The following VPS13D variants were observed in gnomAD, a reference collection of about 807,000 sequenced individuals.
VPS13D encodes vacuolar protein sorting 13 homolog D, also known as intermembrane lipid transfer protein VPS13D.
Under a neutral mutation model 461.9 loss-of-function variants are expected in VPS13D, and 187 were observed. That is an observed-to-expected ratio of 0.40 (90% CI 0.36 to 0.46). The LOEUF (loss-of-function observed/expected upper bound fraction) is 0.46, where lower values mean the gene tolerates loss of function less well. Ranked by LOEUF, VPS13D falls within the 20% of genes least tolerant of loss-of-function variation. VPS13D has a pLI of 0.60. For missense variants in VPS13D, 4,711 were observed against 5,364.9 expected (o/e 0.88, Z 3.81); for synonymous variants, 1,951 against 1,986.3 (o/e 0.98, Z 0.47).
intron 55 of VPS13D, among the ~76,000 whole-genome samples, chr1:12,375,363 A>G (rs1168670420): frequency 6.6e-6 from 1 of 152,176 alleles, no homozygotes; most frequent in Non-Finnish European, 1.5e-5. Flanking sequence ...ACAAATATAC[A>G]TATGTGTGTT....
At chr1:12,421,916 G>A (rs909338884) in intron 65 of VPS13D, among the ~76,000 whole-genome samples, 1 of 152,084 alleles carries the variant, frequency 6.6e-6, no homozygotes, top group Non-Finnish European at 1.5e-5. Flanking sequence ...TGCCCTCCTG[G>A]GTTCAAGCGA....
chr1:12,356,325 A>G, intron 48 of VPS13D, 73 bp from the exon 49 acceptor site: 3 of 1,523,006 alleles, frequency 2.0e-6, no homozygotes, highest in Non-Finnish European at 2.7e-6. Flanking sequence ...TGATGGTTTT[A>G]TTCATTCACC....
intron 65 of VPS13D, among the ~76,000 whole-genome samples, chr1:12,450,958 A>C (rs905725810): frequency 5.3e-5 from 8 of 152,244 alleles, no homozygotes; most frequent in Non-Finnish European, 1.5e-5. Flanking sequence ...AAGATATTAA[A>C]GAGGAAATTT....
rs1643777973 is a variant in VPS13D at position 12,350,935 on chromosome 1, G to C, written c.9431+1561G>C. 3.3e-5 allele frequency among the ~76,000 whole-genome samples: 5 copies of C among 152,160 alleles called. No homozygotes were observed. In the South Asian group the frequency reaches 1.0e-3, roughly 31 times the overall value. ...AACAATTTTATGCCAGTACATTCCA[G>C]ATGTAAATGACACCTTTCTTGAAAA... On this transcript the variant is annotated intron_variant, in intron 46 of 69. Coordinates refer to ENST00000620676, the MANE Select transcript of VPS13D (RefSeq NM_015378.4).
At chr1:12,475,494 A>G (rs548788096) in intron 67 of VPS13D, among the ~76,000 whole-genome samples, 18 of 152,326 alleles carry the variant, frequency 1.2e-4, no homozygotes, top group African/African-American at 4.1e-4. Flanking sequence ...CAGCCCGATA[A>G]TGGATTCTAA....
At chr1:12,418,121 T>C (rs1461486380) in intron 65 of VPS13D, among the ~76,000 whole-genome samples, 2 of 152,168 alleles carry the variant, frequency 1.3e-5, no homozygotes, top group Non-Finnish European at 2.9e-5. Context: ...TTGGCCAGGC[T>C]GGTCTCGAAC....
intron 60 of VPS13D, among the ~76,000 whole-genome samples, chr1:12,397,954 G>A (rs2101676770): frequency 6.6e-6 from 1 of 152,302 alleles, no homozygotes; most frequent in Middle Eastern, 3.4e-3. Flanking sequence ...AAAGAGTGGT[G>A]TGTGATGAAG....
intron 58 of VPS13D, among the ~76,000 whole-genome samples, chr1:12,384,632 A>G (rs910992210): frequency 1.3e-5 from 2 of 152,054 alleles, no homozygotes; most frequent in African/African-American, 2.4e-5. Context: ...TTATTTATTT[A>G]TTTATTTAGC....
At chr1:12,257,244 A>G (rs191273301) in intron 9 of VPS13D, among the ~76,000 whole-genome samples, 157 bp downstream of exon 9, 369 of 152,320 alleles carry the variant, frequency 2.4e-3, no homozygotes, top group Non-Finnish European at 4.1e-3. Flanking sequence ...ATTGTTTATC[A>G]TCATTGATAT....
intron 22 of VPS13D, 152 bp from the exon 23 acceptor site, chr1:12,290,846 G>T: frequency 1.8e-6 from 1 of 566,356 alleles, no homozygotes; most frequent in African/African-American, 2.0e-5. Flanking sequence ...AATATTTTTT[G>T]GGGTATATTG....
At position 12,256,454 on chromosome 1, in the gene VPS13D, G is replaced by A. The variant is rs865994843; in HGVS notation, c.791G>A (p.Arg264His). The A allele has an allele frequency of 8.7e-6, 14 of 1,614,002 alleles. No individual in the cohort carries two copies. The highest frequency in any genetic ancestry group is 1.3e-5 in the African/African-American group (1 of 74,902). ...CCCCTGCGGTCTCGGCACAGTCCCC[G>A]TATTGATTGTGATATTCAGCTGGAG... The part of the protein sequence containing the change: ...KKPLRSRHSP[R>H]IDCDIQLETI... Residue 264 changes from arginine to histidine, a missense_variant, in exon 8 of 70, where the codon CGT (arginine) becomes CAT (histidine). By Grantham distance (29) the Arg-to-His change is conservative. Transcript: ENST00000620676.
chr1:12,501,192 C>CAG (rs1308612735), intron 68 of VPS13D, among the ~76,000 whole-genome samples: 1 of 152,026 alleles, frequency 6.6e-6, no homozygotes, highest in African/African-American at 2.4e-5. Flanking sequence ...AGAAATTTCA[C>CAG]AGAGAGAGAG....
At chr1:12,469,850 G>C (rs1645540328) in intron 67 of VPS13D, among the ~76,000 whole-genome samples, 1 of 152,148 alleles carries the variant, frequency 6.6e-6, no homozygotes, top group African/African-American at 2.4e-5. Flanking sequence ...GTGTAGAGCA[G>C]ATTACTTCAA....
rs116397827 is a variant in VPS13D at position 12,371,767 on chromosome 1, A to G, written c.10809-1983A>G. 5.6e-3 allele frequency among the ~76,000 whole-genome samples: 850 copies of G among 152,050 alleles called. 7 individuals are homozygous for G. The highest frequency in any genetic ancestry group is 0.019 in the African/African-American group (774 of 41,458). ...CTGTATACTACATTTTTGTTTATCC[A>G]GTTATTTGTTGATGGACATTTGGTT... On this transcript the variant is annotated intron_variant, in intron 54 of 69. Transcript: ENST00000620676.
intron 67 of VPS13D, among the ~76,000 whole-genome samples, chr1:12,481,022 A>G (rs1252772335): frequency 6.6e-6 from 1 of 152,198 alleles, no homozygotes; most frequent in African/African-American, 2.4e-5. Context: ...AGACACAGGC[A>G]CCTGCCCTCT....
In VPS13D at chr1:12,278,159, T is replaced by G. The variant is rs1185545471; in HGVS notation, c.4450+121T>G. The G allele has an allele frequency of 3.7e-6, 4 of 1,092,740 alleles. No individual in the cohort carries two copies. In the African/African-American group the frequency reaches 6.4e-5, roughly 17 times the overall value. 67.7% of individuals were successfully genotyped at this position (1,092,740 alleles called of 1,614,324 possible). On this transcript the variant is annotated intron_variant, in intron 19 of 69. Coordinates refer to ENST00000620676, the MANE Select transcript of VPS13D (RefSeq NM_015378.4). ...CTTTTAGAATAATCCTCAGTTAATA[T>G]TTAAGAAATCAAAGAGTTTTAATAG...
intron 21 of VPS13D, 131 bp from the exon 22 acceptor site, chr1:12,288,092 G>T: frequency 1.4e-6 from 1 of 700,216 alleles, no homozygotes; most frequent in Non-Finnish European, 2.5e-6. Context: ...AAGTGAAATT[G>T]GCATTGTTAA....
At chr1:12,475,305 A>G (rs981357032) in intron 67 of VPS13D, among the ~76,000 whole-genome samples, 1 of 152,102 alleles carries the variant, frequency 6.6e-6, no homozygotes, top group African/African-American at 2.4e-5. Context: ...ATTCTCCCCC[A>G]TACAAAGGGG....
chr1:12,253,791 A>G lies in VPS13D; in HGVS notation c.634A>G (p.Thr212Ala). 1 of 1,614,112 alleles carries G rather than the reference A, an allele frequency of 6.2e-7. No individual in the cohort carries two copies. Among genetic ancestry groups the G allele is most frequent in the Non-Finnish European group, 8.5e-7 (1 of 1,179,980 alleles). The change falls in exon 7 of 70, where the codon ACT becomes GCT. Residue 212 changes from threonine to alanine, a missense_variant. Coordinates refer to ENST00000620676, the MANE Select transcript of VPS13D (RefSeq NM_015378.4). ...EFSIYWDVDC[T>A]LLGDLPQMEL... Reference sequence around the variant, plus strand: ...TAGCATCTATTGGGATGTCGATTGCACTTTACTGGGGGATTTGCCTCAGAT... The same window carrying G: ...TAGCATCTATTGGGATGTCGATTGCGCTTTACTGGGGGATTTGCCTCAGAT...
Sources: allele counts gnomAD v4.1 joint callset (sites outside exome capture counted in the v4.1 genomes callset), GRCh38; gene constraint gnomAD v4.1.1; transcripts MANE v1.5; gene names NCBI Gene and HGNC (gene_info 2026-07-23, HGNC 2026-07-21).